DPP4: variants seen among roughly 807,000 people sequenced by gnomAD.
DPP4 encodes dipeptidyl peptidase 4.
A neutral mutation model predicts 122.4 loss-of-function variants in DPP4; 93 were observed. The ratio of observed to expected loss-of-function variants is 0.76; its 90% CI spans 0.64 to 0.90. The LOEUF is 0.90. Ranked by LOEUF, DPP4 falls within the 40% of genes least tolerant of loss-of-function variation. The pLI is 0.00. For missense variants in DPP4, 914 were observed against 907.3 expected (o/e 1.01, Z -0.09); for synonymous variants, 321 against 302.9 (o/e 1.06, Z -0.62).
intron 2 of DPP4, among the ~76,000 whole-genome samples, chr2:162,047,928 A>G (rs1684246948): frequency 6.6e-6 from 1 of 152,174 alleles, no homozygotes; most frequent in African/African-American, 2.4e-5. Flanking sequence ...GAGAACTTTC[A>G]TGTTCTTTTT....
intron 10 of DPP4, among the ~76,000 whole-genome samples, chr2:162,026,102 G>T (rs1046054959): frequency 6.6e-5 from 10 of 152,166 alleles, no homozygotes; most frequent in African/African-American, 2.4e-4. Flanking sequence ...CCATAGCTTT[G>T]TCCTTCTTCA....
intron 8 of DPP4, among the ~76,000 whole-genome samples, chr2:162,035,673 T>C (rs766740343): frequency 3.3e-5 from 5 of 152,202 alleles, no homozygotes; most frequent in African/African-American, 7.2e-5. Context: ...TTCTCCTTTC[T>C]AATTTTCAAA....
intron 2 of DPP4, among the ~76,000 whole-genome samples, chr2:162,055,974 C>T (rs1016329438): frequency 1.3e-5 from 2 of 152,352 alleles, no homozygotes; most frequent in African/African-American, 2.4e-5. Flanking sequence ...ACACCAGGCT[C>T]ATGCCTGCCT....
chr2:162,040,926 TA>T (rs200264367), intron 5 of DPP4, among the ~76,000 whole-genome samples: 3 of 150,674 alleles, frequency 2.0e-5, no homozygotes, highest in Non-Finnish European at 3.0e-5. Context: ...TGATATTAAT[TA>T]AAAAAAAATG....
chr2:162,013,110 C>A (rs187308722), intron 19 of DPP4, among the ~76,000 whole-genome samples: 277 of 148,700 alleles, frequency 1.9e-3, no homozygotes, highest in African/African-American at 6.6e-3. Context: ...AGTTCCCTAA[C>A]CCCAAGATTA....
chr2:162,035,805 C>G (rs1009267623), intron 8 of DPP4, among the ~76,000 whole-genome samples: 10 of 152,122 alleles, frequency 6.6e-5, no homozygotes, highest in African/African-American at 2.2e-4. Context: ...GTTTACTACT[C>G]TTGGCACAAA....
chr2:162,014,183 T>C lies in DPP4; in HGVS notation c.1637+213A>G, dbSNP rs72868632. 3.7e-3 allele frequency among the ~76,000 whole-genome samples: 570 copies of C among 152,188 alleles called. 1 individual carries two copies. The highest frequency in any genetic ancestry group is 6.4e-3 in the Non-Finnish European group (436 of 67,986). On this transcript the variant is annotated intron_variant, in intron 19 of 25. Transcript: ENST00000360534. ...AAAACAAAAGAAAATCTATACACCA[T>C]TATGTCAGAAAAGGAGTATCTCCCT... is the stretch of plus-strand genomic sequence containing the variant.
At chr2:162,032,706 C>CA (rs1039843941) in intron 10 of DPP4, among the ~76,000 whole-genome samples, 6 of 122,042 alleles carry the variant, frequency 4.9e-5, no homozygotes, top group South Asian at 4.8e-4. Flanking sequence ...ACAACAACAA[C>CA]AACAAAAAAA....
intron 2 of DPP4, among the ~76,000 whole-genome samples, chr2:162,064,383 G>A (rs2106156401): frequency 6.6e-6 from 1 of 152,228 alleles, no homozygotes; most frequent in East Asian, 1.9e-4. Context: ...ACAAAGATTT[G>A]AGTCATCAAT....
At chr2:162,008,421 T>C (rs1158368486) in intron 22 of DPP4, 141 bp downstream of exon 22, 17 of 661,432 alleles carry the variant, frequency 2.6e-5, no homozygotes, top group South Asian at 1.7e-4. Context: ...CATCTTATTA[T>C]AGGTATCCAA....
chr2:161,993,845 A>AT (rs113188659), intron 25 of DPP4, among the ~76,000 whole-genome samples: 170 of 152,110 alleles, frequency 1.1e-3, no homozygotes, highest in Middle Eastern at 3.4e-3. Context: ...AAACTAAATG[A>AT]TTTTTTTTAA....
In DPP4 at chr2:162,050,576, C is replaced by T. The variant is rs77863155; in HGVS notation, c.95-3075G>A. Among the ~76,000 whole-genome samples, 1,510 of 152,292 alleles carry T rather than the reference C, an allele frequency of 9.9e-3. 29 individuals are homozygous for T. The highest frequency in any genetic ancestry group is 0.035 in the African/African-American group (1,433 of 41,528). On this transcript the variant is annotated intron_variant, in intron 2 of 25. Transcript: ENST00000360534. ...TACCCTGGTCTGTGTGAGGTTCACT[C>T]GGCTGCGTTAGAATAACCCTGCAAC...
chr2:162,002,356 C>A (rs932489691), intron 23 of DPP4, among the ~76,000 whole-genome samples: 3 of 152,170 alleles, frequency 2.0e-5, no homozygotes, highest in African/African-American at 7.2e-5. Context: ...AATAATAAAT[C>A]CTTTACTTAT....
chr2:162,073,461 A>G lies in DPP4; in HGVS notation c.32T>C (p.Leu11Pro). 1 of 1,614,086 alleles carries G rather than the reference A, an allele frequency of 6.2e-7. No individual in the cohort carries two copies. MKTPWKVLLG[L>P]LGAAALVTII... is the part of the protein sequence containing the mutation. ...GGTGACAAGCGCAGCAGCACCCAGC[A>G]GTCCCAGAAGAACCTTCCACGGTGT... is the stretch of plus-strand genomic sequence containing the variant. Residue 11 changes from leucine (L) to proline (P), a missense_variant, in exon 2 of 26, where the codon CTG becomes CCG. Transcript: ENST00000360534.
At chr2:162,038,582 T>C (rs1481566861) in intron 7 of DPP4, among the ~76,000 whole-genome samples, 160 bp from the exon 8 acceptor site, 3 of 152,136 alleles carry the variant, frequency 2.0e-5, no homozygotes, top group African/African-American at 7.2e-5. Flanking sequence ...CATTCTTAAA[T>C]TACAAGTGTA....
intron 23 of DPP4, among the ~76,000 whole-genome samples, chr2:161,999,932 A>T (rs966445338): frequency 6.6e-6 from 1 of 152,192 alleles, no homozygotes; most frequent in Non-Finnish European, 1.5e-5. Context: ...CCAGATGAGG[A>T]AACTGAGATT....
At chr2:161,993,646 C>T (rs1700921443) in intron 25 of DPP4, among the ~76,000 whole-genome samples, 1 of 152,074 alleles carries the variant, frequency 6.6e-6, no homozygotes, top group Admixed American at 6.5e-5. Context: ...GTGAATTTGG[C>T]TTTATTGAAT....
intron 3 of DPP4, among the ~76,000 whole-genome samples, 159 bp downstream of exon 3, chr2:162,047,244 T>C (rs995204861): frequency 6.6e-6 from 1 of 152,078 alleles, no homozygotes; most frequent in Non-Finnish European, 1.5e-5. Context: ...CCTTTCAGTC[T>C]TTCTCCCTTT....
In DPP4 at chr2:161,993,183, T is replaced by C. The variant is rs562889773; in HGVS notation, c.*100A>G. On this transcript the variant is annotated 3_prime_UTR_variant, in exon 26 of 26. Coordinates refer to ENST00000360534, the MANE Select transcript of DPP4 (RefSeq NM_001935.4). ...AACCTTAAGTTTCTTGATTTGAGTGTGTATTTTAAAGATCATCATCATCTT... is the reference window on the plus strand; with the variant it reads ...AACCTTAAGTTTCTTGATTTGAGTGCGTATTTTAAAGATCATCATCATCTT... 1 of 919,446 alleles carries C rather than the reference T, an allele frequency of 1.1e-6. No individual in the cohort carries two copies. The highest frequency in any genetic ancestry group is 2.4e-5 in the East Asian group (1 of 40,964). The allele number at this position is 919,446 out of a possible 1,614,324, so 57.0% of individuals were successfully genotyped here. A position where few individuals can be genotyped will look rare whatever the true frequency, so the allele number is the denominator to read the frequency against.
Sources: allele counts gnomAD v4.1 joint callset (sites outside exome capture counted in the v4.1 genomes callset), GRCh38; gene constraint gnomAD v4.1.1; transcripts MANE v1.5; gene names NCBI Gene and HGNC (gene_info 2026-07-23, HGNC 2026-07-21).